ZNRF3: variants seen among roughly 807,000 people sequenced by gnomAD.
ZNRF3 encodes the protein zinc and ring finger 3, also known as E3 ubiquitin-protein ligase ZNRF3.
Under a neutral mutation model 72.5 loss-of-function variants are expected in ZNRF3, and 23 were observed. The observed-to-expected ratio is 0.32, with a 90% confidence interval of 0.23 to 0.45. The LOEUF is 0.45. Among genes scored for constraint, ZNRF3 ranks in the 20% least tolerant of loss-of-function variants. The probability of loss-of-function intolerance (pLI) is 1.00; values close to 1 mark genes in which losing one functional copy is unlikely to be tolerated. For synonymous variants in ZNRF3, 610 were observed against 545.3 expected (o/e 1.12, Z -1.65); for missense variants, 1,169 against 1,272.1 (o/e 0.92, Z 1.23).
chr22:29,029,861 G>T (rs1391537765), intron 2 of ZNRF3, among the ~76,000 whole-genome samples: 4 of 152,164 alleles, frequency 2.6e-5, no homozygotes, highest in African/African-American at 9.7e-5. Flanking sequence ...AGGCACTGTT[G>T]TTCCTCGTTA....
At chr22:28,924,608 G>C (rs2034567850) in intron 1 of ZNRF3, among the ~76,000 whole-genome samples, 1 of 152,104 alleles carries the variant, frequency 6.6e-6, no homozygotes, top group South Asian at 2.1e-4. Flanking sequence ...GTGGTGATGT[G>C]TGCCTGTAGT....
chr22:28,936,210 TCTC>T (rs2034817448), intron 1 of ZNRF3, among the ~76,000 whole-genome samples: 1 of 152,056 alleles, frequency 6.6e-6, no homozygotes, highest in Non-Finnish European at 1.5e-5. Context: ...GGAAAAATGG[TCTC>T]CTCTCTGCAC....
chr22:28,889,453 G>T (rs2033847458), intron 1 of ZNRF3, among the ~76,000 whole-genome samples: 1 of 152,174 alleles, frequency 6.6e-6, no homozygotes, highest in East Asian at 1.9e-4. Flanking sequence ...GCTGACAAGA[G>T]TTGTACGGAA....
intron 1 of ZNRF3, among the ~76,000 whole-genome samples, chr22:28,910,300 CAA>C (rs2034293444): frequency 6.6e-6 from 1 of 152,162 alleles, no homozygotes; most frequent in Non-Finnish European, 1.5e-5. Flanking sequence ...CTGGGCCTCT[CAA>C]AGTGCTGGGA....
At chr22:28,995,717 C>A (rs1333095120) in intron 2 of ZNRF3, among the ~76,000 whole-genome samples, 1 of 151,754 alleles carries the variant, frequency 6.6e-6, no homozygotes, top group Non-Finnish European at 1.5e-5. Context: ...CAAAGTGTGG[C>A]TGGGGGCTGG....
chr22:28,957,917 G>A (rs935340609), intron 1 of ZNRF3, among the ~76,000 whole-genome samples: 12 of 151,970 alleles, frequency 7.9e-5, no homozygotes, highest in Non-Finnish European at 7.4e-5. Flanking sequence ...TGGGCGCGGT[G>A]GTTCAAGCCT....
In ZNRF3 at chr22:29,049,471, T is replaced by G; in HGVS notation, c.1290T>G (p.Ala430=). ...PPLHLDHSLA[A]HRCGLEHRAY... The stretch of plus-strand genomic sequence containing the variant: ...TCCACCTGGACCACAGCCTGGCCGC[T>G]CACCGCTGCGGCCTGGAGCACCGGG... The change falls in exon 8 of 9, where the codon GCT becomes GCG. Residue 430 remains alanine (A), a synonymous_variant. Coordinates refer to ENST00000544604, the MANE Select transcript of ZNRF3 (RefSeq NM_001206998.2). The surrounding 1 kb of genome is among the most constrained non-coding windows in gnomAD (Gnocchi z 5.2). The G allele has an allele frequency of 1.2e-6, 2 of 1,604,386 alleles. No homozygotes were observed. The highest frequency in any genetic ancestry group is 1.7e-6 in the Non-Finnish European group (2 of 1,179,604).
At chr22:28,945,508 A>G (rs1487766324) in intron 1 of ZNRF3, among the ~76,000 whole-genome samples, 3 of 150,682 alleles carry the variant, frequency 2.0e-5, no homozygotes, top group African/African-American at 7.3e-5. Context: ...CCTGGGCAAC[A>G]TGGCAAAACC....
intron 1 of ZNRF3, among the ~76,000 whole-genome samples, chr22:28,979,988 T>C (rs2035737613): frequency 6.6e-6 from 1 of 152,218 alleles, no homozygotes; most frequent in Non-Finnish European, 1.5e-5. Flanking sequence ...AAAATGCAAA[T>C]GGACATGACA....
chr22:28,971,865 C>A (rs2035581638), intron 1 of ZNRF3, among the ~76,000 whole-genome samples: 1 of 152,086 alleles, frequency 6.6e-6, no homozygotes, highest in Admixed American at 6.5e-5. Flanking sequence ...CACCACCACA[C>A]CTGCCTAAGT....
Position 28,968,944 on chromosome 22 carries a change from A to G in ZNRF3, c.301-18132A>G, listed in dbSNP as rs113445130. Among the ~76,000 whole-genome samples, 35 of 152,270 alleles carry G rather than the reference A, an allele frequency of 2.3e-4. 2 individuals are homozygous for G. The highest frequency in any genetic ancestry group is 8.4e-4 in the African/African-American group (35 of 41,550). On this transcript the variant is annotated intron_variant, in intron 1 of 8. Coordinates refer to ENST00000544604, the MANE Select transcript of ZNRF3 (RefSeq NM_001206998.2). ...CTCCAAGGACCTGTAAGCCTATAAC[A>G]GGTCTCATAGTGACATGTCAGGACC... is the stretch of plus-strand genomic sequence containing the variant.
chr22:28,890,271 C>T (rs1485036868), intron 1 of ZNRF3, among the ~76,000 whole-genome samples: 2 of 152,124 alleles, frequency 1.3e-5, no homozygotes, highest in East Asian at 1.9e-4. Context: ...GAAGCCGAGG[C>T]GGGCAGATCA....
chr22:28,989,495 G>T (rs183997458), intron 2 of ZNRF3, among the ~76,000 whole-genome samples: 1 of 152,156 alleles, frequency 6.6e-6, no homozygotes, highest in Admixed American at 6.5e-5. Context: ...AAAAAAATAG[G>T]TTAAAGGAAG....
At chr22:28,941,939 G>A (rs576173866) in intron 1 of ZNRF3, among the ~76,000 whole-genome samples, 64 of 152,228 alleles carry the variant, frequency 4.2e-4, no homozygotes, top group African/African-American at 1.5e-3. Flanking sequence ...TGGGCAACAA[G>A]AGCTAAACTC....
intron 1 of ZNRF3, among the ~76,000 whole-genome samples, chr22:28,954,452 G>A (rs1021976610): frequency 1.3e-5 from 2 of 152,214 alleles, no homozygotes; most frequent in African/African-American, 4.8e-5. Flanking sequence ...AAGACCCCAC[G>A]CATCTCCAAG....
intron 2 of ZNRF3, among the ~76,000 whole-genome samples, chr22:28,996,743 G>C (rs2036050904): frequency 6.6e-6 from 1 of 152,220 alleles, no homozygotes; most frequent in African/African-American, 2.4e-5. Context: ...CAAACAACCA[G>C]ACAGTGAATT....
At chr22:29,051,603 T>TAAAAA (rs1212194016) in intron 8 of ZNRF3, among the ~76,000 whole-genome samples, 2 of 105,014 alleles carry the variant, frequency 1.9e-5, no homozygotes, top group Non-Finnish European at 2.0e-5. Flanking sequence ...GACTCTGTCT[T>TAAAAA]AAAAAAAAAA....
In ZNRF3 at chr22:29,051,896, A is replaced by C. The variant is rs571366548; in HGVS notation, c.2767+948A>C. On this transcript the variant is annotated intron_variant, in intron 8 of 8. Transcript: ENST00000544604. ...ACTCCATCTCAAAAAAAAAAAAAAAAAAACCTAGGCCCCATCCCTGTGCCC... is the reference window on the plus strand; with the variant it reads ...ACTCCATCTCAAAAAAAAAAAAAAACAAACCTAGGCCCCATCCCTGTGCCC... 5.8e-4 allele frequency among the ~76,000 whole-genome samples: 88 copies of C among 151,666 alleles called. 2 individuals are homozygous for C. In the South Asian group the frequency reaches 0.018, roughly 31 times the overall value.
intron 2 of ZNRF3, among the ~76,000 whole-genome samples, chr22:29,032,625 G>T (rs1032541686): frequency 2.6e-5 from 4 of 152,220 alleles, no homozygotes. Context: ...TCAAAGGGAG[G>T]AGATAGGTGG....
Sources: allele counts gnomAD v4.1 joint callset (sites outside exome capture counted in the v4.1 genomes callset), GRCh38; gene constraint gnomAD v4.1.1; non-coding constraint Gnocchi (gnomAD v3.1); transcripts MANE v1.5; gene names NCBI Gene and HGNC (gene_info 2026-07-23, HGNC 2026-07-21).